MAN1A2: variants seen among roughly 807,000 people sequenced by gnomAD.
The protein encoded by MAN1A2 is mannosyl-oligosaccharide 1,2-alpha-mannosidase IB.
A neutral mutation model predicts 75.7 loss-of-function variants in MAN1A2; 26 were observed. The ratio of observed to expected loss-of-function variants is 0.34; its 90% CI spans 0.25 to 0.48. MAN1A2 has a LOEUF of 0.48. Among genes scored for constraint, MAN1A2 ranks in the 20% least tolerant of loss-of-function variants. The probability of loss-of-function intolerance (pLI) is 0.99; values close to 1 mark genes in which losing one functional copy is unlikely to be tolerated. For missense variants in MAN1A2, 562 were observed against 775.5 expected (o/e 0.72, Z 3.27); for synonymous variants, 247 against 264.6 (o/e 0.93, Z 0.65).
chr1:117,468,150 T>C (rs1650036398), intron 8 of MAN1A2, among the ~76,000 whole-genome samples: 1 of 152,162 alleles, frequency 6.6e-6, no homozygotes, highest in Admixed American at 6.5e-5. Flanking sequence ...CTCAGAAAAC[T>C]TACAATCATG....
In MAN1A2 at chr1:117,526,880, C is replaced by CTCTCTCTATATATATATATATATATA; in HGVS notation, c.*3924_*3925insCTCTCTATATATATATATATATATAT. 3 of 54,512 alleles carry CTCTCTCTATATATATATATATATATA rather than the reference C, an allele frequency of 5.5e-5. No homozygotes were observed. Among genetic ancestry groups the CTCTCTCTATATATATATATATATATA allele is most frequent in the African/African-American group, 8.1e-5 (1 of 12,286 alleles). 3.4% of individuals were successfully genotyped at this position (54,512 alleles called of 1,614,324 possible). A position where few individuals can be genotyped will look rare whatever the true frequency, so the allele number is the denominator to read the frequency against. On this transcript the variant is annotated 3_prime_UTR_variant, in exon 13 of 13. Coordinates refer to ENST00000356554, the MANE Select transcript of MAN1A2 (RefSeq NM_006699.5). Reference sequence around the variant, plus strand: ...TCTCTCTCTCTCTCTCTCTCTCTCTCTATATATATATATATATATATATAT... The same window carrying CTCTCTCTATATATATATATATATATA: ...TCTCTCTCTCTCTCTCTCTCTCTCTCTCTCTCTATATATATATATATATATATATATATATATATATATATATATAT...
chr1:117,383,598 T>C (rs1466660691), intron 1 of MAN1A2, among the ~76,000 whole-genome samples: 1 of 152,174 alleles, frequency 6.6e-6, no homozygotes, highest in African/African-American at 2.4e-5. Context: ...GCTTTTCTAT[T>C]TTGGGTGGTT....
intron 9 of MAN1A2, among the ~76,000 whole-genome samples, chr1:117,495,337 AGT>A (rs1651007081): frequency 6.6e-6 from 1 of 151,864 alleles, no homozygotes; most frequent in African/African-American, 2.4e-5. Context: ...CAGTCTTTGC[AGT>A]GTTAATTATT....
At chr1:117,420,471 C>A in intron 4 of MAN1A2, 98 bp from the exon 5 acceptor site, 2 of 807,212 alleles carry the variant, frequency 2.5e-6, no homozygotes, top group Non-Finnish European at 4.0e-6. Flanking sequence ...AAAATATTTT[C>A]CACAGGGTGT....
In MAN1A2 at chr1:117,402,341, A is replaced by G. The variant is rs1647463995; in HGVS notation, c.458A>G (p.Asn153Ser). The G allele has an allele frequency of 6.2e-7, 1 of 1,613,840 alleles. No homozygotes were observed. The highest frequency in any genetic ancestry group is 8.5e-7 in the Non-Finnish European group (1 of 1,179,806). ...GTCCAAGAAATGAAGATAAAAGAGAACAAGCCACTGCCACCAGTCCCTATT... is the reference window on the plus strand; with the variant it reads ...GTCCAAGAAATGAAGATAAAAGAGAGCAAGCCACTGCCACCAGTCCCTATT... ...KVVQEMKIKENKPLPPVPIPN... is the reference protein window; with the variant it reads ...KVVQEMKIKESKPLPPVPIPN... Residue 153 changes from asparagine to serine, a missense_variant, in exon 2 of 13, where the codon AAC (asparagine) becomes AGC (serine). Asn to Ser is a conservative substitution (Grantham distance 46, BLOSUM62 1). Transcript: ENST00000356554.
intron 5 of MAN1A2, among the ~76,000 whole-genome samples, chr1:117,433,072 A>G (rs1390194979): frequency 1.3e-5 from 2 of 151,802 alleles, no homozygotes; most frequent in South Asian, 2.1e-4. Flanking sequence ...GAAAAATCAT[A>G]TAATTATTGC....
At chr1:117,494,258 G>A (rs1469627255) in intron 9 of MAN1A2, 1 of 150,832 alleles carries the variant, frequency 6.6e-6, no homozygotes, top group Non-Finnish European at 1.5e-5. Context: ...ATTCATTCTA[G>A]GAAGAATTTA....
chr1:117,398,673 CA>C (rs34938045), intron 1 of MAN1A2, among the ~76,000 whole-genome samples: 2,740 of 114,774 alleles, frequency 0.024, 63 homozygotes, highest in African/African-American at 0.067. Flanking sequence ...GACTCTATTT[CA>C]AAAAAAAAAA....
rs1652026498 is a variant in MAN1A2, at chr1:117,526,620, T to C, written c.*3663T>C. 6.6e-6 allele frequency: 1 copy of C among 151,310 alleles called. No individual in the cohort carries two copies. The highest frequency in any genetic ancestry group is 2.4e-5 in the African/African-American group (1 of 41,352). The allele number at this position is 151,310 out of a possible 1,614,324, so 9.4% of individuals were successfully genotyped here. On this transcript the variant is annotated 3_prime_UTR_variant, in exon 13 of 13. Coordinates refer to ENST00000356554, the MANE Select transcript of MAN1A2 (RefSeq NM_006699.5). ...AGTGTTTTATAGAAATGCTGGTTAT[T>C]TTATATTCAAAAAGATTTTGTCACA...
intron 11 of MAN1A2, among the ~76,000 whole-genome samples, chr1:117,499,805 G>C (rs868312775): frequency 6.7e-6 from 1 of 149,822 alleles, no homozygotes; most frequent in African/African-American, 2.4e-5. Context: ...ATTTTTAATG[G>C]TTAGTTAAGT....
chr1:117,390,713 T>A (rs75236997), intron 1 of MAN1A2, among the ~76,000 whole-genome samples: 1 of 151,962 alleles, frequency 6.6e-6, no homozygotes, highest in South Asian at 2.1e-4. Context: ...GTTCTTGATA[T>A]AAGATCTTTT....
intron 3 of MAN1A2, among the ~76,000 whole-genome samples, chr1:117,411,688 A>G (rs918813493): frequency 1.4e-4 from 21 of 151,860 alleles, no homozygotes; most frequent in Admixed American, 1.0e-3. Context: ...TCCAGAATAT[A>G]TAAATACTTC....
chr1:117,380,980 C>T (rs1424146348), intron 1 of MAN1A2, among the ~76,000 whole-genome samples: 2 of 152,040 alleles, frequency 1.3e-5, no homozygotes, highest in Non-Finnish European at 2.9e-5. Flanking sequence ...ATAGTAAGTC[C>T]TCCAACCATG....
At chr1:117,447,782 A>T (rs1649285606) in intron 6 of MAN1A2, among the ~76,000 whole-genome samples, 1 of 151,934 alleles carries the variant, frequency 6.6e-6, no homozygotes, top group South Asian at 2.1e-4. Flanking sequence ...TTTGTGTATT[A>T]GCTAGATTAG....
chr1:117,368,872 A>G (rs1223059991), intron 1 of MAN1A2, among the ~76,000 whole-genome samples: 2 of 152,310 alleles, frequency 1.3e-5, no homozygotes, highest in East Asian at 3.9e-4. Context: ...TTGTGCCACC[A>G]TGTGAAATCA....
chr1:117,445,632 T>TC (rs1183924107), intron 6 of MAN1A2, among the ~76,000 whole-genome samples: 1 of 150,426 alleles, frequency 6.6e-6, no homozygotes, highest in Admixed American at 6.6e-5. Context: ...GCTTAAGTGA[T>TC]CCCCCCATCT....
intron 12 of MAN1A2, chr1:117,515,289 T>C (rs1003126383): frequency 9.0e-5 from 14 of 155,122 alleles, no homozygotes; most frequent in African/African-American, 3.4e-4. Context: ...AGCATATGCA[T>C]TGGTTATATG....
chr1:117,517,398 A>G (rs572785627), intron 12 of MAN1A2, among the ~76,000 whole-genome samples: 2 of 152,164 alleles, frequency 1.3e-5, no homozygotes, highest in Non-Finnish European at 2.9e-5. Flanking sequence ...TAAAATATTT[A>G]TGATAACTAT....
chr1:117,482,296 G>A (rs1650522354), intron 8 of MAN1A2, among the ~76,000 whole-genome samples: 1 of 151,998 alleles, frequency 6.6e-6, no homozygotes, highest in Non-Finnish European at 1.5e-5. Flanking sequence ...TTGTGACACT[G>A]TCTTCCACAA....
Sources: gnomAD v4.1 joint callset for allele counts (sites outside exome capture counted in the v4.1 genomes callset) on GRCh38, gnomAD v4.1.1 for gene constraint, MANE v1.5 for transcripts, NCBI Gene and HGNC (gene_info 2026-07-23, HGNC 2026-07-21) for gene names.